The following CAST variants were observed in gnomAD, a reference collection of about 807,000 sequenced individuals.
CAST encodes the protein calpastatin.
CAST carries 76 observed loss-of-function variants against 119.6 expected under a neutral mutation model. The observed-to-expected ratio is 0.64, with a 90% CI of 0.53 to 0.77. The LOEUF (loss-of-function observed/expected upper bound fraction) is 0.77, where lower values mean the gene tolerates loss of function less well. Ranked by LOEUF, CAST falls within the 30% of genes least tolerant of loss-of-function variation. The pLI is 0.00. For missense variants in CAST, 953 were observed against 946.5 expected (o/e 1.01, Z -0.09); for synonymous variants, 319 against 331.6 (o/e 0.96, Z 0.41).
In CAST at chr5:96,553,980, C is replaced by G. The variant is rs115671644; in HGVS notation, c.60+24100C>G. ...GTATTGTAAAAATGGCCTTACTGCC[C>G]AAAGTAATCTACAGATTTAATGCTA... On this transcript the variant is annotated intron_variant, in intron 1 of 11. Coordinates refer to the CAST transcript ENST00000505143. Among the ~76,000 whole-genome samples the G allele has an allele frequency of 8.2e-3, 1,243 of 152,256 alleles. 23 individuals are homozygous for G. Among genetic ancestry groups the G allele is most frequent in the African/African-American group, 0.028 (1,182 of 41,546 alleles).
intron 1 of CAST, among the ~76,000 whole-genome samples, chr5:96,556,602 G>C (rs543654251): frequency 6.6e-6 from 1 of 152,182 alleles, no homozygotes; most frequent in African/African-American, 2.4e-5. Flanking sequence ...TGGAAGAAAG[G>C]GTATCAGTGA....
At chr5:96,326,222 T>G in the CAST span, among the ~76,000 whole-genome samples, 1 of 152,218 alleles carries the variant, frequency 6.6e-6, no homozygotes, top group Admixed American at 6.5e-5. Flanking sequence ...GCTGAGTTCC[T>G]AGTCCACCCT....
the CAST span, among the ~76,000 whole-genome samples, chr5:96,112,285 A>G: frequency 3.7e-4 from 57 of 152,132 alleles, no homozygotes; most frequent in South Asian, 6.2e-4. Context: ...CAGCTATACA[A>G]ATTGCAGGCA....
the CAST span, among the ~76,000 whole-genome samples, chr5:96,144,256 A>C: frequency 1.3e-5 from 2 of 152,228 alleles, no homozygotes; most frequent in South Asian, 2.1e-4. Flanking sequence ...TTCTATGTAC[A>C]TATAGAATTA....
chr5:96,760,814 T>G (rs923116628), intron 24 of CAST: 1 of 151,920 alleles, frequency 6.6e-6, no homozygotes, highest in Admixed American at 6.6e-5. Flanking sequence ...TTCAAGTCAT[T>G]TTATGTGTTA....
the CAST span, among the ~76,000 whole-genome samples, chr5:96,236,091 GTCTA>G: frequency 1.3e-5 from 1 of 76,954 alleles, no homozygotes; most frequent in African/African-American, 4.1e-5. Context: ...ATGTCTGTCT[GTCTA>G]TCTGTCTGTC....
the CAST span, among the ~76,000 whole-genome samples, chr5:96,140,574 C>T: frequency 5.9e-5 from 9 of 152,194 alleles, no homozygotes; most frequent in African/African-American, 2.2e-4. Flanking sequence ...TCTGACTCTG[C>T]CACACACAGC....
In CAST at chr5:96,729,649, G is replaced by T; in HGVS notation, c.473G>T (p.Ser158Ile). 18 of 1,599,220 alleles carry T rather than the reference G, an allele frequency of 1.1e-5. No individual in the cohort carries two copies. The highest frequency in any genetic ancestry group is 1.3e-5 in the Non-Finnish European group (15 of 1,166,538). ...SLPKQASDTG[S>I]NDAHNKKAVS... ...CCCAAGCAGGCATCAGATACAGGAA[G>T]TAACGATGCTCACAATAAAAAAGCA... The change falls in exon 8 of 32, where the codon AGT (serine) becomes ATT (isoleucine). Residue 158 changes from serine to isoleucine, a missense_variant. Transcript: ENST00000675179.
intron 3 of CAST, chr5:96,715,239 T>A (rs1756993969): frequency 6.6e-6 from 1 of 152,160 alleles, no homozygotes; most frequent in South Asian, 2.1e-4. Context: ...TTCTCTAAAT[T>A]TTTGCATTCA....
chr5:96,088,718 G>A, the CAST span, among the ~76,000 whole-genome samples: 3 of 152,216 alleles, frequency 2.0e-5, no homozygotes, highest in African/African-American at 7.2e-5. Context: ...AGCACTGCCC[G>A]ATACTTGTCA....
At chr5:96,439,321 G>A in the CAST span, among the ~76,000 whole-genome samples, 1 of 140,402 alleles carries the variant, frequency 7.1e-6, no homozygotes, top group South Asian at 2.5e-4. Context: ...GAGAACAGGA[G>A]TAGAAGCAAT....
intron 2 of CAST, among the ~76,000 whole-genome samples, chr5:96,688,341 A>T (rs1423249951): frequency 2.0e-5 from 3 of 152,336 alleles, no homozygotes; most frequent in Non-Finnish European, 4.4e-5. Flanking sequence ...CTGCGTCATA[A>T]ATAAGAAAAG....
the CAST span, among the ~76,000 whole-genome samples, chr5:96,283,857 C>T: frequency 6.6e-6 from 1 of 152,164 alleles, no homozygotes; most frequent in East Asian, 1.9e-4. Flanking sequence ...CTGTTAGTAA[C>T]GGAAGGTCAG....
At chr5:96,677,351 T>G (rs1407237866) in intron 2 of CAST, among the ~76,000 whole-genome samples, 1 of 152,256 alleles carries the variant, frequency 6.6e-6, no homozygotes, top group African/African-American at 2.4e-5. Context: ...ACTGGGAAAC[T>G]TAAATATTAC....
intron 2 of CAST, among the ~76,000 whole-genome samples, chr5:96,693,822 A>C (rs754604527): frequency 6.6e-6 from 1 of 152,212 alleles, no homozygotes. Context: ...CACCTGCATC[A>C]CTAGCTTCTT....
the CAST span, among the ~76,000 whole-genome samples, chr5:96,013,560 T>G: frequency 1.3e-5 from 2 of 152,106 alleles, no homozygotes; most frequent in Admixed American, 1.3e-4. Context: ...TTACTTAACA[T>G]ATGGGGACAC....
chr5:95,991,648 G>A, the CAST span, among the ~76,000 whole-genome samples: 1 of 151,722 alleles, frequency 6.6e-6, no homozygotes, highest in African/African-American at 2.4e-5. Context: ...TGGGATTATA[G>A]GCACGTGCCA....
At chr5:96,480,566 A>C in the CAST span, among the ~76,000 whole-genome samples, 10 of 152,200 alleles carry the variant, frequency 6.6e-5, no homozygotes, top group Non-Finnish European at 1.2e-4. Flanking sequence ...AACTGAGGTT[A>C]TGGGGATGAA....
intron 1 of CAST, among the ~76,000 whole-genome samples, chr5:96,600,490 C>T (rs1167005311): frequency 2.0e-5 from 3 of 152,092 alleles, no homozygotes; most frequent in Non-Finnish European, 4.4e-5. Context: ...CAGGAGAAGT[C>T]ACAGAAACGG....
Sources: allele counts gnomAD v4.1 joint callset (sites outside exome capture counted in the v4.1 genomes callset), GRCh38; gene constraint gnomAD v4.1.1; transcripts MANE v1.5; gene names NCBI Gene and HGNC (gene_info 2026-07-23, HGNC 2026-07-21).